CCDC178: variants seen among roughly 807,000 people sequenced by gnomAD.
CCDC178 encodes the protein coiled-coil domain-containing protein 178.
A neutral mutation model predicts 117.4 loss-of-function variants in CCDC178; 126 were observed. That is an observed-to-expected ratio of 1.07 (90% confidence interval 0.93 to 1.24). CCDC178 has a LOEUF of 1.24. CCDC178 is among the 50% of genes most tolerant of loss of function. The pLI, the probability that CCDC178 is intolerant of heterozygous loss-of-function variation, is 0.00. For synonymous variants in CCDC178, 283 were observed against 313.4 expected, an observed-to-expected ratio of 0.90 and a Z score of 1.02; for missense variants, 1,030 against 986.9, an observed-to-expected ratio of 1.04 and a Z score of -0.59.
At chr18:33,150,875 C>T (rs2058333351) in intron 20 of CCDC178, among the ~76,000 whole-genome samples, 1 of 152,104 alleles carries the variant, frequency 6.6e-6, no homozygotes, top group South Asian at 2.1e-4. Flanking sequence ...TGGAACCAAG[C>T]TAAGTGCCTA....
At chr18:33,259,756 A>T (rs2059720267) in intron 14 of CCDC178, among the ~76,000 whole-genome samples, 1 of 152,060 alleles carries the variant, frequency 6.6e-6, no homozygotes, top group South Asian at 2.1e-4. Flanking sequence ...AACTTCCATA[A>T]TAATTATGTA....
intron 16 of CCDC178, 100 bp from the exon 17 acceptor site, chr18:33,225,036 A>T: frequency 2.8e-6 from 2 of 709,572 alleles, no homozygotes; most frequent in Non-Finnish European, 4.1e-6. Context: ...TTTATTTGAA[A>T]ATCAAATAAT....
chr18:33,372,846 T>A (rs1218866530), intron 5 of CCDC178, among the ~76,000 whole-genome samples: 1 of 152,140 alleles, frequency 6.6e-6, no homozygotes, highest in Admixed American at 6.6e-5. Context: ...ATCACAAGAG[T>A]CCTTCCTTTT....
At chr18:33,112,067 C>T (rs1199939273) in intron 20 of CCDC178, among the ~76,000 whole-genome samples, 1 of 151,676 alleles carries the variant, frequency 6.6e-6, no homozygotes, top group African/African-American at 2.4e-5. Flanking sequence ...GTAATGAATA[C>T]ATCAATGTGT....
chr18:32,981,064 C>T (rs920532933), intron 21 of CCDC178, among the ~76,000 whole-genome samples: 1 of 152,008 alleles, frequency 6.6e-6, no homozygotes, highest in Admixed American at 6.6e-5. Context: ...ACACACTGGC[C>T]GTATGTGGTG....
intron 21 of CCDC178, among the ~76,000 whole-genome samples, chr18:33,091,324 C>CTTCTTTT (rs2057459677): frequency 2.3e-5 from 1 of 43,884 alleles, no homozygotes; most frequent in Non-Finnish European, 4.1e-5. Flanking sequence ...TTATTTCATT[C>CTTCTTTT]TTTTTTTTTT....
chr18:33,004,917 T>C (rs1480414455), intron 21 of CCDC178, among the ~76,000 whole-genome samples: 1 of 152,028 alleles, frequency 6.6e-6, no homozygotes, highest in Non-Finnish European at 1.5e-5. Context: ...CAATGAGACA[T>C]CATCTCACTC....
At position 33,215,531 on chromosome 18, in the gene CCDC178, ATAAAGT is replaced by A. The variant is rs1188043590; in HGVS notation, c.2078+13_2078+18del. The A allele has an allele frequency of 8.3e-7, 1 of 1,199,070 alleles. No individual in the cohort carries two copies. Among genetic ancestry groups the A allele is most frequent in the African/African-American group, 1.6e-5 (1 of 61,956 alleles). 74.3% of individuals were successfully genotyped at this position (1,199,070 alleles called of 1,614,324 possible). On this transcript the variant is annotated intron_variant, in intron 19 of 22. Transcript: ENST00000383096. ...TATTTTTTAAAAACTTCATATTTTG[ATAAAGT>A]TTAAGTACTTACTTTAATATTTCAA...
chr18:33,100,162 C>T (rs902781636), intron 20 of CCDC178, among the ~76,000 whole-genome samples: 2 of 151,842 alleles, frequency 1.3e-5, no homozygotes, highest in African/African-American at 4.8e-5. Context: ...GTTAGCTGCC[C>T]TACCCCAGCT....
At chr18:33,386,139 T>C (rs1255898942) in intron 5 of CCDC178, among the ~76,000 whole-genome samples, 1 of 151,794 alleles carries the variant, frequency 6.6e-6, no homozygotes, top group Non-Finnish European at 1.5e-5. Context: ...CCCTCCCAGG[T>C]CGGGGGGTGA....
At chr18:33,307,989 G>A (rs2062281361) in intron 11 of CCDC178, among the ~76,000 whole-genome samples, 1 of 152,246 alleles carries the variant, frequency 6.6e-6, no homozygotes. Flanking sequence ...ACCTCTGCTA[G>A]AGCAGTGCAG....
intron 20 of CCDC178, among the ~76,000 whole-genome samples, chr18:33,147,451 A>G (rs1425515336): frequency 7.2e-6 from 1 of 139,500 alleles, no homozygotes; most frequent in Non-Finnish European, 1.5e-5. Flanking sequence ...ACAATAGTGG[A>G]GGGAAGGTCA....
At chr18:33,398,621 C>T (rs908742671) in intron 3 of CCDC178, among the ~76,000 whole-genome samples, 3 of 152,074 alleles carry the variant, frequency 2.0e-5, no homozygotes, top group Non-Finnish European at 4.4e-5. Flanking sequence ...GAACCCCAGA[C>T]ATAGTAAGTG....
rs1013434649 is a variant in CCDC178 at position 33,017,636 on chromosome 18, C to T, written c.2389-42955G>A. On this transcript the variant is annotated intron_variant, in intron 21 of 22. Coordinates refer to ENST00000383096, the MANE Select transcript of CCDC178 (RefSeq NM_001105528.4). ...TACAAAGGATTCAGAAGAACCAAAA[C>T]GATCTAACAAAAGAACAAAGTTGGA... is the stretch of plus-strand genomic sequence containing the variant. Among the ~76,000 whole-genome samples, 10 of 151,930 alleles carry T rather than the reference C, an allele frequency of 6.6e-5. No homozygotes were observed. In the South Asian group the frequency reaches 1.4e-3, roughly 22 times the overall value.
At chr18:33,282,740 A>T (rs572376497) in intron 12 of CCDC178, among the ~76,000 whole-genome samples, 4 of 152,238 alleles carry the variant, frequency 2.6e-5, no homozygotes, top group African/African-American at 9.6e-5. Context: ...CTGCCAGCAC[A>T]TGGGAGTGCA....
intron 21 of CCDC178, among the ~76,000 whole-genome samples, chr18:33,086,893 C>T (rs1367012637): frequency 6.6e-6 from 1 of 150,884 alleles, no homozygotes; most frequent in African/African-American, 2.4e-5. Context: ...CTTCTAGATG[C>T]CAGAGGCAAC....
At chr18:33,397,261 T>C (rs1000535381) in intron 3 of CCDC178, 53 bp from the exon 4 acceptor site, 16 of 1,230,814 alleles carry the variant, frequency 1.3e-5, no homozygotes, top group African/African-American at 3.0e-5. Flanking sequence ...GAGTCAAATA[T>C]TCTGCCCTAT....
chr18:33,417,505 A>G (rs1391847979), intron 2 of CCDC178, among the ~76,000 whole-genome samples: 1 of 147,580 alleles, frequency 6.8e-6, no homozygotes, highest in East Asian at 2.0e-4. Flanking sequence ...ATACAAAGCT[A>G]CACATAAAAT....
intron 21 of CCDC178, among the ~76,000 whole-genome samples, chr18:33,051,172 A>G (rs2056741317): frequency 6.6e-6 from 1 of 152,106 alleles, no homozygotes; most frequent in Non-Finnish European, 1.5e-5. Flanking sequence ...CTCGGCTCCC[A>G]AAGTTCTGGG....
Sources: gnomAD v4.1 joint callset for allele counts (sites outside exome capture counted in the v4.1 genomes callset) on GRCh38, gnomAD v4.1.1 for gene constraint, MANE v1.5 for transcripts, NCBI Gene and HGNC (gene_info 2026-07-23, HGNC 2026-07-21) for gene names.